COL5A3: variants seen among roughly 807,000 people sequenced by gnomAD.
COL5A3 encodes collagen type V alpha 3 chain.
COL5A3 carries 172 observed loss-of-function variants against 250.0 expected under a neutral mutation model. That is an observed-to-expected ratio of 0.69 (90% confidence interval 0.61 to 0.78). The LOEUF is 0.78. Among genes scored for constraint, COL5A3 ranks in the 30% least tolerant of loss-of-function variants. COL5A3 has a pLI of 0.00. For synonymous variants in COL5A3, 937 were observed against 900.4 expected, an observed-to-expected ratio of 1.04 and a Z score of -0.73; for missense variants, 2,340 against 2,334.4, an observed-to-expected ratio of 1.00 and a Z score of -0.05.
Position 10,003,553 on chromosome 19 carries a change from C to T in COL5A3, c.849+12G>A. 1 of 1,613,782 alleles carries T rather than the reference C, an allele frequency of 6.2e-7. No individual in the cohort carries two copies. The highest frequency in any genetic ancestry group is 8.5e-7 in the Non-Finnish European group (1 of 1,179,812). ...GGTCAAAACCGGAAGTGAGAGGTCT[C>T]AGGGCCCTTACCTGGTTCTCTGCGG... On this transcript the variant is annotated intron_variant, in intron 6 of 66. Transcript: ENST00000264828.
intron 4 of COL5A3, among the ~76,000 whole-genome samples, chr19:10,005,127 C>T (rs933060900): frequency 4.6e-5 from 7 of 152,134 alleles, no homozygotes; most frequent in Non-Finnish European, 7.3e-5. Flanking sequence ...GAGGCCAAGG[C>T]GGGTGGATCA....
intron 64 of COL5A3, among the ~76,000 whole-genome samples, chr19:9,963,565 G>A (rs576255755): frequency 1.6e-5 from 2 of 121,376 alleles, no homozygotes; most frequent in Admixed American, 8.3e-5. Flanking sequence ...TTTTTTTGGG[G>A]GGGGGGGCGG....
chr19:9,966,086 C>T (rs569291688), intron 64 of COL5A3, among the ~76,000 whole-genome samples: 1 of 152,310 alleles, frequency 6.6e-6, no homozygotes, highest in East Asian at 1.9e-4. Flanking sequence ...CCCGCCTCAG[C>T]CTCCCAAAAT....
chr19:9,967,471 A>ACACACACACACT (rs893392459), intron 61 of COL5A3, 71 bp from the exon 62 acceptor site: 3 of 1,005,790 alleles, frequency 3.0e-6, no homozygotes, highest in Non-Finnish European at 4.3e-6. Context: ...ACACACAAAC[A>ACACACACACACT]CACACACACA....
chr19:9,993,000 G>C (rs1180260554), intron 20 of COL5A3, 23 bp downstream of exon 20: 15 of 1,612,860 alleles, frequency 9.3e-6, no homozygotes, highest in Non-Finnish European at 1.3e-5. Flanking sequence ...CAAGCAAGGG[G>C]CCCAGGGATC....
Position 9,962,832 on chromosome 19 carries a change from C to A in COL5A3, c.4838G>T (p.Arg1613Leu), listed in dbSNP as rs368933139. Residue 1613 changes from arginine to leucine, a missense_variant, in exon 65 of 67, where the codon CGT becomes CTT. Coordinates refer to ENST00000264828, the MANE Select transcript of COL5A3 (RefSeq NM_015719.4). ...EKPGGWYSTF[R>L]RGKKFSYVDA... ...TCGGTGACTCACCTTCTTCCCTCGA[C>A]GGAATGTGCTATACCAGCCTCCAGG... is the stretch of plus-strand genomic sequence containing the variant. The A allele has an allele frequency of 6.2e-7, 1 of 1,610,826 alleles. No homozygotes were observed. Among genetic ancestry groups the A allele is most frequent in the East Asian group, 2.2e-5 (1 of 44,858 alleles).
intron 10 of COL5A3, 134 bp downstream of exon 10, chr19:9,997,850 C>G: frequency 1.2e-6 from 1 of 864,582 alleles, no homozygotes; most frequent in South Asian, 1.6e-5. Flanking sequence ...TTTTGACTCA[C>G]CCTTTAAGCC....
chr19:9,977,664 C>T lies in COL5A3; in HGVS notation c.3056G>A (p.Gly1019Glu). 1 of 1,607,910 alleles carries T rather than the reference C, an allele frequency of 6.2e-7. No individual in the cohort carries two copies. Among genetic ancestry groups the T allele is most frequent in the African/African-American group, 1.3e-5 (1 of 74,842 alleles). ...PGERGPLGPA[G>E]GIGLPGQSGS... Reference sequence around the variant, plus strand: ...ACTTTGGCCAGGAAGTCCAATGCCTCCTGCTGGGCCCAAAGGACCGCGCTC... The same window carrying T: ...ACTTTGGCCAGGAAGTCCAATGCCTTCTGCTGGGCCCAAAGGACCGCGCTC... Residue 1019 changes from glycine (G) to glutamate (E), a missense_variant, in exon 42 of 67, where the codon GGA becomes GAA. Gly to Glu is a moderately conservative substitution (Grantham distance 98). Around this residue, in one of 3 missense-constraint regions of COL5A3, gnomAD observed 1,179 missense variants for 1,162.6 expected, o/e 1.01. Coordinates refer to ENST00000264828, the MANE Select transcript of COL5A3 (RefSeq NM_015719.4).
At chr19:9,982,426 C>T (rs1337924890) in intron 31 of COL5A3, among the ~76,000 whole-genome samples, 2 of 152,176 alleles carry the variant, frequency 1.3e-5, no homozygotes, top group Non-Finnish European at 1.5e-5. Flanking sequence ...CCTTAGAATG[C>T]CTTTCTACCA....
intron 51 of COL5A3, among the ~76,000 whole-genome samples, chr19:9,972,651 C>T (rs1283608002): frequency 6.6e-6 from 1 of 151,870 alleles, no homozygotes; most frequent in East Asian, 1.9e-4. Flanking sequence ...TCCTGGCCAA[C>T]ATAGTGAACA....
At chr19:10,004,656 A>G (rs2087415556) in intron 4 of COL5A3, among the ~76,000 whole-genome samples, 1 of 152,112 alleles carries the variant, frequency 6.6e-6, no homozygotes, top group Non-Finnish European at 1.5e-5. Flanking sequence ...GACGATGCCT[A>G]CTTGGCTTGT....
intron 16 of COL5A3, 27 bp downstream of exon 16, chr19:9,995,537 T>C: frequency 1.3e-6 from 2 of 1,598,106 alleles, no homozygotes; most frequent in Non-Finnish European, 1.7e-6. Flanking sequence ...GGATAAGGGG[T>C]GGTCTGGGGA....
Position 9,969,406 on chromosome 19 carries a change from A to T in COL5A3, c.4099-4T>A. On this transcript the variant is annotated splice_region_variant and splice_polypyrimidine_tract_variant and intron_variant, in intron 56 of 66. Transcript: ENST00000264828. ...CTCCCAGGAGGCCTGGTTCACCCTG[A>T]GAATGGAACAGAACATGGGGTGGGC... 6.2e-7 allele frequency: 1 copy of T among 1,606,884 alleles called. No homozygotes were observed. Among genetic ancestry groups the T allele is most frequent in the Middle Eastern group, 1.7e-4 (1 of 6,020 alleles).
At chr19:9,984,261 G>T (rs1447608191) in intron 31 of COL5A3, among the ~76,000 whole-genome samples, 1 of 152,066 alleles carries the variant, frequency 6.6e-6, no homozygotes, top group African/African-American at 2.4e-5. Context: ...GACCTCAGGT[G>T]ATCCACTCGC....
intron 54 of COL5A3, among the ~76,000 whole-genome samples, chr19:9,970,192 C>G (rs2086814456): frequency 4.7e-5 from 1 of 21,276 alleles, no homozygotes; most frequent in Non-Finnish European, 8.5e-5. Context: ...TGAGTGGGGT[C>G]TGTGGGTGAG....
intron 8 of COL5A3, among the ~76,000 whole-genome samples, chr19:9,999,158 T>TCCTC: frequency 1.3e-5 from 2 of 148,942 alleles, no homozygotes; most frequent in African/African-American, 2.5e-5. Context: ...CTTCCTTCCT[T>TCCTC]CCTTCCTTCC....
In COL5A3 at chr19:9,966,539, C is replaced by T. The variant is rs757031604; in HGVS notation, c.4666G>A (p.Asp1556Asn). 26 of 1,543,730 alleles carry T rather than the reference C, an allele frequency of 1.7e-5. No individual in the cohort carries two copies. The highest frequency in any genetic ancestry group is 1.2e-4 in the East Asian group (5 of 41,128). Residue 1556 changes from aspartate (D) to asparagine (N), a missense_variant, in exon 63 of 67, where the codon GAT (aspartate) becomes AAT (asparagine). Coordinates refer to ENST00000264828, the MANE Select transcript of COL5A3 (RefSeq NM_015719.4). ...TGGCGGGGGGACCGGACCTCACCAT[C>T]AGGCAGGTGCGGGTGGTTGCGGTGC... Reference protein sequence around the residue: ...ELHRNHPHLPDGEYWIDPNQG... With the variant: ...ELHRNHPHLPNGEYWIDPNQG...
chr19:9,998,932 C>T (rs1425983841), intron 8 of COL5A3, among the ~76,000 whole-genome samples: 1 of 152,130 alleles, frequency 6.6e-6, no homozygotes, highest in East Asian at 1.9e-4. Flanking sequence ...GATCCACCCG[C>T]CTCATCCTCC....
chr19:9,969,238 C>G, intron 57 of COL5A3, 111 bp downstream of exon 57: 1 of 939,864 alleles, frequency 1.1e-6, no homozygotes, highest in Admixed American at 2.5e-5. Context: ...AGTATGGACA[C>G]TCAGATGGAT....
Sources: allele counts gnomAD v4.1 joint callset (sites outside exome capture counted in the v4.1 genomes callset), GRCh38; gene constraint gnomAD v4.1.1; regional missense constraint gnomAD v4.1.1; transcripts MANE v1.5; gene names NCBI Gene and HGNC (gene_info 2026-07-23, HGNC 2026-07-21).